FSTL4: variants seen among roughly 807,000 people sequenced by gnomAD.
The protein encoded by FSTL4 is follistatin-related protein 4.
Under a neutral mutation model 78.2 loss-of-function variants are expected in FSTL4, and 28 were observed. That is an observed-to-expected ratio of 0.36 (90% confidence interval 0.27 to 0.49). FSTL4 has a LOEUF of 0.49. Ranked by LOEUF, FSTL4 falls within the 20% of genes least tolerant of loss-of-function variation. The pLI is 0.98. For missense variants in FSTL4, 922 were observed against 1,084.9 expected (o/e 0.85, Z 2.11); for synonymous variants, 422 against 440.5 (o/e 0.96, Z 0.53).
rs1474945031 is a variant in FSTL4 at position 133,426,861 on chromosome 5, T to C, written c.161-25875A>G. ...CTAAAATGTTTCCTTTTTCCGAAAG[T>C]CAGCACAAGTTCTGGGAGGAGTAAG... On this transcript the variant is annotated intron_variant, in intron 3 of 15. Transcript: ENST00000265342. This position sits in a 1 kb window ranked among gnomAD's most constrained non-coding sequence, Gnocchi z 5.0. 6.6e-6 allele frequency among the ~76,000 whole-genome samples: 1 copy of C among 152,202 alleles called. No individual in the cohort carries two copies. The highest frequency in any genetic ancestry group is 2.4e-5 in the African/African-American group (1 of 41,452).
At chr5:133,657,759 GT>G in the FSTL4 span, among the ~76,000 whole-genome samples, 1 of 111,776 alleles carries the variant, frequency 8.9e-6, no homozygotes, top group Non-Finnish European at 1.8e-5. Flanking sequence ...CTAGCTTACT[GT>G]TTTTTGTTTT....
rs184660850 is a variant in FSTL4 at position 133,568,470 on chromosome 5, G to A, written c.127-1251C>T. 2.1e-4 allele frequency among the ~76,000 whole-genome samples: 32 copies of A among 152,266 alleles called. No individual in the cohort carries two copies. In the East Asian group the frequency reaches 5.2e-3, roughly 25 times the overall value. On this transcript the variant is annotated intron_variant, in intron 2 of 15. Transcript: ENST00000265342. Reference sequence around the variant, plus strand: ...GAGGCAATATTAGAGATGAAACTAAGAGGGCACTGGGAAGGTTGTCCTACC... The same window carrying A: ...GAGGCAATATTAGAGATGAAACTAAAAGGGCACTGGGAAGGTTGTCCTACC...
intron 6 of FSTL4, among the ~76,000 whole-genome samples, chr5:133,270,734 G>A (rs1332359400): frequency 6.6e-6 from 1 of 152,118 alleles, no homozygotes; most frequent in East Asian, 1.9e-4. Context: ...GACAATGCGG[G>A]GACTGGGATT....
chr5:133,365,240 AT>A (rs1199403161), intron 4 of FSTL4, among the ~76,000 whole-genome samples: 5 of 134,252 alleles, frequency 3.7e-5, no homozygotes, highest in Non-Finnish European at 8.6e-5. Flanking sequence ...TTCTAAAATA[AT>A]AATAATAATA....
the FSTL4 span, among the ~76,000 whole-genome samples, chr5:133,718,643 A>G: frequency 6.6e-6 from 1 of 152,242 alleles, no homozygotes; most frequent in Non-Finnish European, 1.5e-5. Context: ...AAGGAAATAG[A>G]GAAAGGGAAA....
chr5:133,504,573 A>G (rs1390938263), intron 3 of FSTL4, among the ~76,000 whole-genome samples: 1 of 152,194 alleles, frequency 6.6e-6, no homozygotes, highest in African/African-American at 2.4e-5. Context: ...GATCAACTCA[A>G]CATTCTTCAC....
chr5:133,423,789 C>T (rs1390041799), intron 3 of FSTL4, among the ~76,000 whole-genome samples: 2 of 152,138 alleles, frequency 1.3e-5, no homozygotes, highest in Non-Finnish European at 1.5e-5. Flanking sequence ...ACTGAGGCCA[C>T]GGGACTGCTC....
At chr5:133,421,185 C>T (rs1004004942) in intron 3 of FSTL4, among the ~76,000 whole-genome samples, 16 of 152,230 alleles carry the variant, frequency 1.1e-4, no homozygotes, top group East Asian at 1.9e-4. Flanking sequence ...CATCTCAGGG[C>T]GGGGCAAGGG....
intron 4 of FSTL4, among the ~76,000 whole-genome samples, chr5:133,378,180 C>T (rs1365353533): frequency 2.6e-5 from 4 of 151,768 alleles, no homozygotes; most frequent in African/African-American, 4.8e-5. Flanking sequence ...AGATGGTAAT[C>T]ACATCTACAC....
the FSTL4 span, among the ~76,000 whole-genome samples, chr5:133,675,801 C>T: frequency 2.6e-5 from 4 of 152,158 alleles, no homozygotes; most frequent in Admixed American, 1.3e-4. Flanking sequence ...TAATTTCACC[C>T]GGGCAGATCT....
At chr5:133,532,576 C>T (rs569275350) in intron 3 of FSTL4, among the ~76,000 whole-genome samples, 1 of 152,242 alleles carries the variant, frequency 6.6e-6, no homozygotes, top group Admixed American at 6.5e-5. Context: ...AGAACAGAGG[C>T]CCCTCTCATG....
At chr5:133,278,309 C>G (rs1182668511) in intron 6 of FSTL4, among the ~76,000 whole-genome samples, 1 of 152,158 alleles carries the variant, frequency 6.6e-6, no homozygotes, top group Non-Finnish European at 1.5e-5. Context: ...CTTGTGAAGC[C>G]CTGTGTAACT....
intron 3 of FSTL4, among the ~76,000 whole-genome samples, chr5:133,425,116 C>A (rs1004183031): frequency 6.6e-6 from 1 of 152,166 alleles, no homozygotes; most frequent in African/African-American, 2.4e-5. Flanking sequence ...TATTATGTTC[C>A]AGACACCATA....
intron 3 of FSTL4, among the ~76,000 whole-genome samples, chr5:133,476,942 T>A (rs559554517): frequency 6.6e-6 from 1 of 152,212 alleles, no homozygotes; most frequent in African/African-American, 2.4e-5. Context: ...ACCCATGACC[T>A]TGGCCTCTTA....
At chr5:133,278,698 C>T (rs985180069) in intron 6 of FSTL4, among the ~76,000 whole-genome samples, 1 of 152,170 alleles carries the variant, frequency 6.6e-6, no homozygotes, top group African/African-American at 2.4e-5. Context: ...GAGCTGAGCT[C>T]AGAGGGACAT....
intron 3 of FSTL4, among the ~76,000 whole-genome samples, chr5:133,483,555 A>G (rs377600926): frequency 6.6e-6 from 1 of 152,288 alleles, no homozygotes; most frequent in Admixed American, 6.5e-5. Flanking sequence ...CTATTCTTTC[A>G]TCACAGTTTA....
chr5:133,466,693 G>C (rs1660530288), intron 3 of FSTL4, among the ~76,000 whole-genome samples: 1 of 152,234 alleles, frequency 6.6e-6, no homozygotes, highest in Non-Finnish European at 1.5e-5. Context: ...GGAGTACAAA[G>C]TGAACAGGGC....
the FSTL4 span, among the ~76,000 whole-genome samples, chr5:133,663,417 A>T: frequency 2.6e-5 from 4 of 152,342 alleles, no homozygotes; most frequent in African/African-American, 9.6e-5. Flanking sequence ...TTTAAAATAA[A>T]TTTTTAAAAA....
chr5:133,410,429 G>A (rs972653108), intron 3 of FSTL4, among the ~76,000 whole-genome samples: 16 of 152,266 alleles, frequency 1.1e-4, no homozygotes, highest in Middle Eastern at 3.4e-3. Context: ...TCGCTGATGC[G>A]CCACTACGTG....
Sources: gnomAD v4.1 joint callset for allele counts (sites outside exome capture counted in the v4.1 genomes callset) on GRCh38, gnomAD v4.1.1 for gene constraint, Gnocchi (gnomAD v3.1) non-coding constraint, MANE v1.5 for transcripts, NCBI Gene and HGNC (gene_info 2026-07-23, HGNC 2026-07-21) for gene names.